The following PDSS1 variants were observed in gnomAD, a reference collection of about 807,000 sequenced individuals.
PDSS1 encodes the protein decaprenyl diphosphate synthase subunit 1.
A neutral mutation model predicts 57.5 loss-of-function variants in PDSS1; 43 were observed. That is an observed-to-expected ratio of 0.75 (90% CI 0.59 to 0.96). The LOEUF (loss-of-function observed/expected upper bound fraction) is 0.96. PDSS1 is among the 50% of genes least tolerant of loss of function. PDSS1 has a pLI of 0.00. For missense variants in PDSS1, 438 were observed against 527.8 expected (o/e 0.83, Z 1.67); for synonymous variants, 175 against 191.3 (o/e 0.91, Z 0.70).
At chr10:26,742,373 A>G in intron 10 of PDSS1, 124 bp from the exon 11 acceptor site, 2 of 750,670 alleles carry the variant, frequency 2.7e-6, no homozygotes, top group East Asian at 2.7e-5. Flanking sequence ...CACATCATCT[A>G]GACACTTAGT....
intron 1 of PDSS1, among the ~76,000 whole-genome samples, chr10:26,699,168 A>G (rs1007945921): frequency 1.3e-5 from 2 of 152,148 alleles, no homozygotes; most frequent in East Asian, 3.9e-4. Context: ...TTGGAGACCA[A>G]GTGGCAGCTG....
chr10:26,737,858 A>G (rs1197425), intron 10 of PDSS1, among the ~76,000 whole-genome samples: 295 of 152,180 alleles, frequency 1.9e-3, no homozygotes, highest in Non-Finnish European at 3.0e-3. Flanking sequence ...GCACCTACTC[A>G]TGCTCACCAG....
chr10:26,719,781 A>T (rs1219851577), intron 5 of PDSS1, among the ~76,000 whole-genome samples: 1 of 152,208 alleles, frequency 6.6e-6, no homozygotes, highest in Admixed American at 6.5e-5. Flanking sequence ...CAAAAAAGAC[A>T]GTATTAAAAG....
intron 10 of PDSS1, among the ~76,000 whole-genome samples, chr10:26,740,233 A>T (rs1413468580): frequency 6.6e-6 from 1 of 151,992 alleles, no homozygotes; most frequent in Non-Finnish European, 1.5e-5. Context: ...ACTTGAACCT[A>T]TAGGAGTTTG....
intron 11 of PDSS1, among the ~76,000 whole-genome samples, chr10:26,745,848 AAAAAAAG>A (rs1402604251): frequency 1.3e-5 from 2 of 152,058 alleles, no homozygotes; most frequent in African/African-American, 2.4e-5. Flanking sequence ...CCTGTCTCAA[AAAAAAAG>A]AAAAAAGAAA....
rs535718480 is a variant in PDSS1, at chr10:26,704,575, G to A, written c.163-102G>A. 23 of 713,578 alleles carry A rather than the reference G, an allele frequency of 3.2e-5. No homozygotes were observed. The African/African-American group carries it at 3.3e-4, about 10-fold the overall frequency. 44.2% of individuals were successfully genotyped at this position (713,578 alleles called of 1,614,324 possible). ...AAAGTTTGCAATCTACCTGTAAATG[G>A]GTGATTAGAAGATAAAGATTATAAT... On this transcript the variant is annotated intron_variant, in intron 2 of 11. Coordinates refer to ENST00000376215, the MANE Select transcript of PDSS1 (RefSeq NM_014317.5).
chr10:26,701,886 A>G (rs1415872616), intron 1 of PDSS1: 5 of 454,368 alleles, frequency 1.1e-5, no homozygotes, highest in Non-Finnish European at 1.3e-5. Flanking sequence ...CCATGAGAAT[A>G]GCAGTGGGGG....
intron 10 of PDSS1, among the ~76,000 whole-genome samples, chr10:26,736,122 A>C (rs955633215): frequency 4.6e-5 from 7 of 152,222 alleles, no homozygotes; most frequent in African/African-American, 1.7e-4. Context: ...GGAGTGCAGT[A>C]GACCCACATA....
chr10:26,697,975 G>C, intron 1 of PDSS1, 135 bp downstream of exon 1: 1 of 810,480 alleles, frequency 1.2e-6, no homozygotes, highest in Non-Finnish European at 1.6e-6. Flanking sequence ...GGGTAGCTCC[G>C]GGGTGGGACT....
chr10:26,735,260 C>T lies in PDSS1; in HGVS notation c.852C>T (p.Pro284=), dbSNP rs771655954. ...SCKAVSVLGC[P]DPVVHEIAYQ... ...TTCAGGTCTCTGTTCTAGGATGTCC[C>T]GACCCAGTGGTGCATGAGATCGCCT... The change falls in exon 9 of 12, where the codon CCC becomes CCT. Residue 284 remains proline (P), a synonymous_variant. Transcript: ENST00000376215. The T allele has an allele frequency of 1.5e-5, 25 of 1,613,206 alleles. No individual in the cohort carries two copies. The highest frequency in any genetic ancestry group is 9.3e-5 in the African/African-American group (7 of 74,984).
chr10:26,746,699 T>C lies in PDSS1; in HGVS notation c.*226T>C. ...TCTGTCATTCTAGTCCTATAAATTA[T>C]AATCAAGGTATCTTGATGGTTATAT... On this transcript the variant is annotated 3_prime_UTR_variant, in exon 12 of 12. Coordinates refer to ENST00000376215, the MANE Select transcript of PDSS1 (RefSeq NM_014317.5). 1 of 524,548 alleles carries C rather than the reference T, an allele frequency of 1.9e-6. No individual in the cohort carries two copies. The allele number at this position is 524,548 out of a possible 1,614,324, so 32.5% of individuals were successfully genotyped here.
intron 10 of PDSS1, among the ~76,000 whole-genome samples, chr10:26,741,700 G>A (rs1366685853): frequency 6.6e-6 from 1 of 151,972 alleles, no homozygotes; most frequent in Non-Finnish European, 1.5e-5. Context: ...CTCATCCTAG[G>A]CCAGTGACTC....
rs965414225 is a variant in PDSS1 at position 26,716,553 on chromosome 10, G to A, written c.468-3665G>A. On this transcript the variant is annotated intron_variant, in intron 5 of 11. Transcript: ENST00000376215. ...CTAAAAATACAAAAATTATCTGGGC[G>A]TGGTGGCACACGCCTGTAGTCTCAG... is the stretch of plus-strand genomic sequence containing the variant. 4.6e-5 allele frequency among the ~76,000 whole-genome samples: 7 copies of A among 152,056 alleles called. 1 individual carries two copies. The highest frequency in any genetic ancestry group is 7.2e-5 in the African/African-American group (3 of 41,392).
chr10:26,721,477 T>A (rs917585838), intron 6 of PDSS1, among the ~76,000 whole-genome samples: 1 of 151,954 alleles, frequency 6.6e-6, no homozygotes, highest in South Asian at 2.1e-4. Flanking sequence ...TATTGTTATC[T>A]TCACATGCTG....
chr10:26,700,467 C>A (rs537193741), intron 1 of PDSS1, among the ~76,000 whole-genome samples: 2 of 152,238 alleles, frequency 1.3e-5, no homozygotes, highest in East Asian at 3.9e-4. Context: ...CCACCCACAT[C>A]TATCTCGAAT....
chr10:26,701,508 G>A (rs1835051599), intron 1 of PDSS1, among the ~76,000 whole-genome samples: 3 of 152,200 alleles, frequency 2.0e-5, no homozygotes, highest in African/African-American at 7.2e-5. Context: ...AGGGGCCAAG[G>A]TACAGCTTGG....
chr10:26,735,564 G>T lies in PDSS1; in HGVS notation c.1011G>T (p.Leu337=), dbSNP rs774599767. The change falls in exon 10 of 12, where the codon CTG becomes CTT. Residue 337 remains leucine (L), a synonymous_variant. Coordinates refer to ENST00000376215, the MANE Select transcript of PDSS1 (RefSeq NM_014317.5). ...LKLGLATGPV[L]FACQQFPEMN... ...TCGGGTTAGCCACTGGTCCTGTCCT[G>T]TTTGCCTGTCAGCAGGTAGGTTTTA... 1 of 1,611,342 alleles carries T rather than the reference G, an allele frequency of 6.2e-7. No homozygotes were observed. Among genetic ancestry groups the T allele is most frequent in the Non-Finnish European group, 8.5e-7 (1 of 1,177,478 alleles).
intron 8 of PDSS1, among the ~76,000 whole-genome samples, chr10:26,733,967 C>T (rs562797239): frequency 1.3e-5 from 2 of 152,268 alleles, no homozygotes; most frequent in South Asian, 4.2e-4. Flanking sequence ...GAGTGAGACC[C>T]TATTTCTAAA....
rs75184058 is a variant in PDSS1 at position 26,744,619 on chromosome 10, C to A, written c.1108-1714C>A. 7.8e-3 allele frequency among the ~76,000 whole-genome samples: 1,183 copies of A among 151,902 alleles called. 10 individuals carry two copies. The highest frequency in any genetic ancestry group is 9.7e-3 in the Non-Finnish European group (662 of 67,938). On this transcript the variant is annotated intron_variant, in intron 11 of 11. Transcript: ENST00000376215. ...TTGGCCATTATGGTCTCGATCTTGA[C>A]GTCGTGATCCGCCCGCCTCGGCCTC... is the stretch of plus-strand genomic sequence containing the variant.
Sources: allele counts gnomAD v4.1 joint callset (sites outside exome capture counted in the v4.1 genomes callset), GRCh38; gene constraint gnomAD v4.1.1; transcripts MANE v1.5; gene names NCBI Gene and HGNC (gene_info 2026-07-23, HGNC 2026-07-21).